Variants in CPQ observed in about 807,000 individuals in gnomAD.
CPQ encodes the protein carboxypeptidase Q.
A neutral mutation model predicts 45.7 loss-of-function variants in CPQ; 37 were observed. The ratio of observed to expected loss-of-function variants is 0.81; its 90% confidence interval spans 0.62 to 1.07. The LOEUF (loss-of-function observed/expected upper bound fraction) is 1.07, where lower values mean the gene tolerates loss of function less well. CPQ is among the 50% of genes least tolerant of loss of function. CPQ has a pLI of 0.00. For synonymous variants in CPQ, 186 were observed against 205.8 expected, an observed-to-expected ratio of 0.90 and a Z score of 0.82; for missense variants, 537 against 572.9, an observed-to-expected ratio of 0.94 and a Z score of 0.64.
intron 1 of CPQ, among the ~76,000 whole-genome samples, chr8:96,759,684 T>G (rs1810374226): frequency 6.6e-6 from 1 of 152,086 alleles, no homozygotes; most frequent in Admixed American, 6.6e-5. Context: ...GAGACTGAGG[T>G]GCAGAACATT....
chr8:96,674,004 T>C (rs1488538870), intron 1 of CPQ, among the ~76,000 whole-genome samples: 1 of 152,036 alleles, frequency 6.6e-6, no homozygotes, highest in Non-Finnish European at 1.5e-5. Flanking sequence ...TACTGTCTTG[T>C]AATAAAAACT....
At chr8:96,785,353 G>C in intron 2 of CPQ, 23 bp downstream of exon 2, 1 of 1,542,432 alleles carries the variant, frequency 6.5e-7, no homozygotes, top group Non-Finnish European at 8.8e-7. Context: ...TTTTCAGTTT[G>C]ATTTGTATTT....
At chr8:96,746,577 C>T (rs1810185804) in intron 1 of CPQ, among the ~76,000 whole-genome samples, 1 of 152,176 alleles carries the variant, frequency 6.6e-6, no homozygotes, top group African/African-American at 2.4e-5. Flanking sequence ...ACCATTTCGC[C>T]TTCTTTTAAA....
At chr8:97,049,614 T>G (rs1810323078) in intron 6 of CPQ, among the ~76,000 whole-genome samples, 1 of 152,192 alleles carries the variant, frequency 6.6e-6, no homozygotes, top group African/African-American at 2.4e-5. Context: ...AGGTATTCAG[T>G]TCTCCATTTC....
intron 1 of CPQ, among the ~76,000 whole-genome samples, chr8:96,742,128 C>G (rs1490181614): frequency 2.0e-5 from 3 of 148,170 alleles, no homozygotes; most frequent in Non-Finnish European, 4.5e-5. Context: ...TTGTAGGTCA[C>G]TCAGGACTTG....
intron 4 of CPQ, among the ~76,000 whole-genome samples, chr8:96,919,846 G>C (rs1016243386): frequency 3.9e-5 from 6 of 152,124 alleles, no homozygotes; most frequent in African/African-American, 1.4e-4. Flanking sequence ...AGTCCAGTTA[G>C]GGTTAAGATA....
At chr8:96,690,721 A>G (rs2464476) in intron 1 of CPQ, among the ~76,000 whole-genome samples, 100,476 of 152,022 alleles carry the variant, frequency 0.66, 33,485 homozygotes, top group Middle Eastern at 0.71. Context: ...TGTGTCTGCC[A>G]CTTTTGAGTG....
intron 3 of CPQ, among the ~76,000 whole-genome samples, chr8:96,858,540 A>G (rs1811883285): frequency 6.6e-6 from 1 of 152,220 alleles, no homozygotes; most frequent in East Asian, 1.9e-4. Context: ...CAGAATCACC[A>G]CTGCTGGGGT....
intron 6 of CPQ, among the ~76,000 whole-genome samples, chr8:97,045,349 C>T (rs113353936): frequency 0.028 from 4,217 of 152,282 alleles, 185 homozygotes; most frequent in African/African-American, 0.091. Context: ...AAAAGCGCAG[C>T]ATTAGAGTGG....
intron 4 of CPQ, among the ~76,000 whole-genome samples, chr8:96,939,023 A>C (rs1813089707): frequency 6.6e-6 from 1 of 152,212 alleles, no homozygotes; most frequent in South Asian, 2.1e-4. Context: ...GTATTTCGTC[A>C]TACAAGGTAT....
intron 1 of CPQ, chr8:96,659,335 T>A (rs1051763445): frequency 2.0e-5 from 3 of 152,228 alleles, no homozygotes; most frequent in African/African-American, 7.2e-5. Flanking sequence ...TGAGTAGATC[T>A]TGGCTGTGAC....
intron 1 of CPQ, among the ~76,000 whole-genome samples, chr8:96,681,045 G>C (rs909481230): frequency 3.3e-5 from 5 of 152,146 alleles, no homozygotes; most frequent in Non-Finnish European, 5.9e-5. Flanking sequence ...AAGGCATTCA[G>C]TTTTAAAAGG....
At chr8:96,981,178 T>C (rs1813889575) in intron 5 of CPQ, among the ~76,000 whole-genome samples, 1 of 152,204 alleles carries the variant, frequency 6.6e-6, no homozygotes, top group Non-Finnish European at 1.5e-5. Context: ...TGTTTTTTAA[T>C]ATAGTCACAA....
chr8:97,020,810 C>G (rs998416704), intron 5 of CPQ, among the ~76,000 whole-genome samples: 4 of 152,010 alleles, frequency 2.6e-5, no homozygotes, highest in African/African-American at 9.7e-5. Context: ...AGAATTGGTA[C>G]CAATTCTATT....
intron 1 of CPQ, among the ~76,000 whole-genome samples, chr8:96,707,525 A>C (rs1809548301): frequency 6.6e-6 from 1 of 152,052 alleles, no homozygotes; most frequent in Non-Finnish European, 1.5e-5. Flanking sequence ...TGTGTGGCCC[A>C]AGACAATTCT....
chr8:96,798,802 GT>G (rs1810968565), intron 2 of CPQ, among the ~76,000 whole-genome samples: 1 of 151,786 alleles, frequency 6.6e-6, no homozygotes, highest in Admixed American at 6.6e-5. Context: ...TTATACAATG[GT>G]CAGATTTTAT....
At chr8:96,950,284 A>T (rs555015901) in intron 4 of CPQ, among the ~76,000 whole-genome samples, 40 of 152,266 alleles carry the variant, frequency 2.6e-4, no homozygotes, top group African/African-American at 9.4e-4. Flanking sequence ...TTAATTATGC[A>T]TTGATCACAA....
intron 7 of CPQ, among the ~76,000 whole-genome samples, chr8:97,095,477 C>T (rs1053745168): frequency 6.6e-6 from 1 of 152,160 alleles, no homozygotes; most frequent in African/African-American, 2.4e-5. Flanking sequence ...CAAAATTCCT[C>T]ATTACTGCAT....
At chr8:96,788,590 T>C (rs533016160) in intron 2 of CPQ, among the ~76,000 whole-genome samples, 2 of 152,240 alleles carry the variant, frequency 1.3e-5, no homozygotes, top group Admixed American at 6.5e-5. Flanking sequence ...TTGACTCTAA[T>C]GTATCTAGGT....
Sources: allele counts gnomAD v4.1 joint callset (sites outside exome capture counted in the v4.1 genomes callset), GRCh38; gene constraint gnomAD v4.1.1; transcripts MANE v1.5; gene names NCBI Gene and HGNC (gene_info 2026-07-23, HGNC 2026-07-21).